CFAP46: variants seen among roughly 807,000 people sequenced by gnomAD.
CFAP46 encodes the protein cilia and flagella associated protein 46, also known as cilia- and flagella-associated protein 46.
A neutral mutation model predicts 325.7 loss-of-function variants in CFAP46; 245 were observed. The observed-to-expected ratio is 0.75, with a 90% CI of 0.68 to 0.84. The LOEUF is 0.84. Among genes scored for constraint, CFAP46 ranks in the 40% least tolerant of loss-of-function variants. The pLI, the probability that CFAP46 is intolerant of heterozygous loss-of-function variation, is 0.00. For missense variants in CFAP46, 3,346 were observed against 3,543.0 expected (o/e 0.94, Z 1.41); for synonymous variants, 1,523 against 1,495.9 (o/e 1.02, Z -0.42).
chr10:132,858,940 A>T, intron 38 of CFAP46, 131 bp downstream of exon 38: 1 of 895,902 alleles, frequency 1.1e-6, no homozygotes, highest in Non-Finnish European at 1.7e-6. Flanking sequence ...AGAGCTTCCC[A>T]GGGGAGGGTC....
At position 132,924,628 on chromosome 10, in the gene CFAP46, TCTC is replaced by T. The variant is rs752771619; in HGVS notation, c.1256+65_1256+67del. 4.4e-6 allele frequency: 6 copies of T among 1,363,530 alleles called. No individual in the cohort carries two copies. In the South Asian group the frequency reaches 5.0e-5, roughly 11 times the overall value. 84.5% of individuals were successfully genotyped at this position (1,363,530 alleles called of 1,614,324 possible). A position where few individuals can be genotyped will look rare whatever the true frequency, so the allele number is the denominator to read the frequency against. On this transcript the variant is annotated intron_variant, in intron 11 of 57. Transcript: ENST00000368586. Reference sequence around the variant, plus strand: ...CATGGCAAGGGGGCTTGGGCCACCTTCTCCTCCTCTGTCTCCTCCTATGCGCCA... The same window carrying T: ...CATGGCAAGGGGGCTTGGGCCACCTTCTCCTCTGTCTCCTCCTATGCGCCA...
chr10:132,869,243 C>G lies in CFAP46; in HGVS notation c.4610+31G>C. On this transcript the variant is annotated intron_variant, in intron 33 of 57. Transcript: ENST00000368586. The surrounding 1 kb of genome is among the most constrained non-coding windows in gnomAD (Gnocchi z 6.2). ...GCCGCACCAAGGGCGAGACTCAAAC[C>G]CCAGGCGGCGCAGGGTGGGACGGCA... 3 of 1,493,456 alleles carry G rather than the reference C, an allele frequency of 2.0e-6. No homozygotes were observed. The highest frequency in any genetic ancestry group is 2.7e-6 in the Non-Finnish European group (3 of 1,114,104). The allele number at this position is 1,493,456 out of a possible 1,614,324, so 92.5% of individuals were successfully genotyped here.
At chr10:132,815,018 A>G in intron 50 of CFAP46, 104 bp from the exon 51 acceptor site, 2 of 931,500 alleles carry the variant, frequency 2.1e-6, no homozygotes, top group East Asian at 2.5e-5. Flanking sequence ...CACTTAAATG[A>G]AAAAAAAAAC....
rs1316079195 is a variant in CFAP46 at position 132,885,228 on chromosome 10, C to T, written c.3502G>A (p.Glu1168Lys). Residue 1168 changes from glutamate to lysine, a missense_variant, in exon 27 of 58, where the codon GAA becomes AAA. By Grantham distance (56) the Glu-to-Lys change is moderately conservative. Coordinates refer to ENST00000368586, the MANE Select transcript of CFAP46 (RefSeq NM_001200049.3). Reference sequence around the variant, plus strand: ...CTCTCGGCCTTGAATTTCTGTATTTCCATCGAAAAATTCTGCCCGAGCTTG... The same window carrying T: ...CTCTCGGCCTTGAATTTCTGTATTTTCATCGAAAAATTCTGCCCGAGCTTG... ...KAKLGQNFSM[E>K]IQKFKAESED... is the part of the protein sequence containing the mutation. The T allele has an allele frequency of 1.9e-6, 3 of 1,550,450 alleles. No homozygotes were observed. The highest frequency in any genetic ancestry group is 2.4e-5 in the South Asian group (2 of 84,048).
At chr10:132,905,790 C>G (rs768377040) in intron 22 of CFAP46, among the ~76,000 whole-genome samples, 1 of 152,236 alleles carries the variant, frequency 6.6e-6, no homozygotes, top group Admixed American at 6.5e-5. Context: ...CAGAGCCAGG[C>G]AGATGTATTT....
At chr10:132,891,077 T>C (rs1234717707) in intron 25 of CFAP46, among the ~76,000 whole-genome samples, 2 of 152,198 alleles carry the variant, frequency 1.3e-5, no homozygotes, top group Non-Finnish European at 1.5e-5. Flanking sequence ...TTTGCAGGAG[T>C]GTGTGTCCAC....
chr10:132,925,024 C>T (rs1338673988), intron 10 of CFAP46, 138 bp from the exon 11 acceptor site: 14 of 632,088 alleles, frequency 2.2e-5, no homozygotes, highest in African/African-American at 1.2e-4. Context: ...CAAATCTGTC[C>T]GTGAAAATGG....
intron 16 of CFAP46, 75 bp from the exon 17 acceptor site, chr10:132,916,757 C>G (rs1849646546): frequency 7.1e-7 from 1 of 1,399,638 alleles, no homozygotes; most frequent in Non-Finnish European, 9.3e-7. Flanking sequence ...ACACACACGC[C>G]CTTCCCTCAG....
rs976219336 is a variant in CFAP46 at position 132,876,154 on chromosome 10, C to T, written c.4362+658G>A. On this transcript the variant is annotated intron_variant, in intron 31 of 57. Coordinates refer to ENST00000368586, the MANE Select transcript of CFAP46 (RefSeq NM_001200049.3). The surrounding 1 kb of genome is among the most constrained non-coding windows in gnomAD (Gnocchi z 4.1). ...TGTCCCATTAAACCAAGGGGAATGC[C>T]CCTGCCCACCCACCGGCTGCTGATA... Among the ~76,000 whole-genome samples, 4 of 152,256 alleles carry T rather than the reference C, an allele frequency of 2.6e-5. No individual in the cohort carries two copies. The highest frequency in any genetic ancestry group is 4.4e-5 in the Non-Finnish European group (3 of 68,040).
chr10:132,815,025 AAAC>A, intron 50 of CFAP46, 111 bp from the exon 51 acceptor site: 1 of 999,674 alleles, frequency 1.0e-6, no homozygotes, highest in Non-Finnish European at 1.5e-6. Context: ...ATGAAAAAAA[AAAC>A]AAGTTGTGAG....
chr10:132,822,784 G>GTGTGTGCAGTGTGTGCAGTGA (rs1847900464), intron 50 of CFAP46, among the ~76,000 whole-genome samples: 1 of 99,766 alleles, frequency 1.0e-5, no homozygotes, highest in Admixed American at 1.2e-4. Flanking sequence ...GTGTGCACTT[G>GTGTGTGCAGTGTGTGCAGTGA]TGTGTGCTGT....
At chr10:132,818,308 G>A (rs766635806) in intron 50 of CFAP46, among the ~76,000 whole-genome samples, 63 of 152,010 alleles carry the variant, frequency 4.1e-4, no homozygotes, top group Non-Finnish European at 6.6e-4. Flanking sequence ...AGTCCATCTC[G>A]GATGGCAGTT....
chr10:132,854,615 G>A (rs904724047), intron 39 of CFAP46, among the ~76,000 whole-genome samples: 23 of 152,200 alleles, frequency 1.5e-4, no homozygotes, highest in African/African-American at 4.8e-4. Flanking sequence ...GGGATTACAC[G>A]CATGAGCCAC....
At chr10:132,862,559 G>A in intron 35 of CFAP46, among the ~76,000 whole-genome samples, 1 of 152,074 alleles carries the variant, frequency 6.6e-6, no homozygotes, top group Non-Finnish European at 1.5e-5. Context: ...CAACCCCCAA[G>A]GCAGATGTTT....
At chr10:132,929,956 TGTGGGGAGG>T (rs1849868025) in intron 8 of CFAP46, 152 bp from the exon 9 acceptor site, 1 of 635,626 alleles carries the variant, frequency 1.6e-6, no homozygotes, top group Non-Finnish European at 2.7e-6. Flanking sequence ...ACAGAAGCCC[TGTGGGGAGG>T]CCCCAGCAGG....
At chr10:132,868,538 G>A (rs138579581) in intron 33 of CFAP46, among the ~76,000 whole-genome samples, 30 of 152,324 alleles carry the variant, frequency 2.0e-4, no homozygotes, top group Non-Finnish European at 4.0e-4. Flanking sequence ...ACCACAGGCC[G>A]CTAAGTGAAA....
intron 50 of CFAP46, among the ~76,000 whole-genome samples, chr10:132,820,755 CTGA>C (rs1316150344): frequency 1.9e-4 from 23 of 121,158 alleles, no homozygotes; most frequent in African/African-American, 5.2e-4. Context: ...GCTGTGTGTG[CTGA>C]TGTGTGCTGT....
intron 55 of CFAP46, among the ~76,000 whole-genome samples, chr10:132,811,642 G>A (rs1217711142): frequency 6.6e-6 from 1 of 152,218 alleles, no homozygotes; most frequent in Middle Eastern, 3.2e-3. Context: ...CAGACAGGCT[G>A]TCCAGCTGCG....
At chr10:132,809,137 GA>G (rs1847528223) in intron 57 of CFAP46, among the ~76,000 whole-genome samples, 1 of 151,652 alleles carries the variant, frequency 6.6e-6, no homozygotes, top group African/African-American at 2.4e-5. Flanking sequence ...CCCCCGATCC[GA>G]AGCCCACCAT....
Sources: gnomAD v4.1 joint callset for allele counts (sites outside exome capture counted in the v4.1 genomes callset) on GRCh38, gnomAD v4.1.1 for gene constraint, Gnocchi (gnomAD v3.1) non-coding constraint, MANE v1.5 for transcripts, NCBI Gene and HGNC (gene_info 2026-07-23, HGNC 2026-07-21) for gene names.